Variants in TMEM163 observed in about 807,000 individuals in gnomAD.
TMEM163 encodes the protein transmembrane protein 163.
Under a neutral mutation model 29.3 loss-of-function variants are expected in TMEM163, and 17 were observed. The ratio of observed to expected loss-of-function variants is 0.58; its 90% confidence interval spans 0.40 to 0.87. TMEM163 has a LOEUF of 0.87. TMEM163 is among the 40% of genes least tolerant of loss of function. The pLI is 0.00. For synonymous variants in TMEM163, 157 were observed against 160.6 expected (o/e 0.98, Z 0.17); for missense variants, 303 against 381.5 (o/e 0.79, Z 1.71).
chr2:134,615,162 A>G (rs1362488812), intron 2 of TMEM163, among the ~76,000 whole-genome samples: 1 of 152,194 alleles, frequency 6.6e-6, no homozygotes, highest in African/African-American at 2.4e-5. Context: ...TTGCACCAAA[A>G]TGTACTAACT....
At chr2:134,676,211 C>G (rs761007226) in intron 2 of TMEM163, among the ~76,000 whole-genome samples, 2 of 152,288 alleles carry the variant, frequency 1.3e-5, no homozygotes, top group East Asian at 3.9e-4. Flanking sequence ...ACCAACTTGA[C>G]GTCAATTAGC....
At chr2:134,596,667 G>T (rs1682091142) in intron 2 of TMEM163, among the ~76,000 whole-genome samples, 1 of 152,178 alleles carries the variant, frequency 6.6e-6, no homozygotes, top group Non-Finnish European at 1.5e-5. Context: ...TTGGTAGCTT[G>T]ATGGGGATGG....
chr2:134,710,519 G>A (rs916704779), intron 2 of TMEM163, among the ~76,000 whole-genome samples: 2 of 151,950 alleles, frequency 1.3e-5, no homozygotes, highest in African/African-American at 4.8e-5. Flanking sequence ...AATGGCCATA[G>A]GATGACCCAA....
intron 2 of TMEM163, among the ~76,000 whole-genome samples, chr2:134,669,749 G>A (rs563403125): frequency 3.3e-5 from 5 of 152,330 alleles, no homozygotes; most frequent in African/African-American, 1.2e-4. Flanking sequence ...CACCTGGTTG[G>A]CTCTTGGGAC....
intron 4 of TMEM163, among the ~76,000 whole-genome samples, chr2:134,523,356 A>G (rs148011514): frequency 6.6e-6 from 1 of 152,220 alleles, no homozygotes; most frequent in Non-Finnish European, 1.5e-5. Flanking sequence ...AAAAGGTCAC[A>G]TGCCAAAAAC....
intron 5 of TMEM163, among the ~76,000 whole-genome samples, chr2:134,498,207 C>T (rs979472867): frequency 6.6e-6 from 1 of 152,312 alleles, no homozygotes; most frequent in African/African-American, 2.4e-5. Flanking sequence ...ACACCTTGGA[C>T]AGATGCGGCC....
At chr2:134,488,074 A>G (rs969223867) in intron 5 of TMEM163, among the ~76,000 whole-genome samples, 2 of 152,234 alleles carry the variant, frequency 1.3e-5, no homozygotes, top group African/African-American at 4.8e-5. Flanking sequence ...TCTAATAGCA[A>G]CAGATAGACA....
intron 2 of TMEM163, among the ~76,000 whole-genome samples, chr2:134,600,159 A>C (rs1189899236): frequency 6.6e-6 from 1 of 152,240 alleles, no homozygotes; most frequent in Non-Finnish European, 1.5e-5. Flanking sequence ...ATGAATGAAA[A>C]TAACATACAA....
At chr2:134,654,170 G>A (rs1279182490) in intron 2 of TMEM163, among the ~76,000 whole-genome samples, 2 of 124,668 alleles carry the variant, frequency 1.6e-5, no homozygotes, top group African/African-American at 3.8e-5. Flanking sequence ...CATTATTAAT[G>A]TGTGGGAGTC....
chr2:134,484,501 T>C (rs1679269696), intron 5 of TMEM163, among the ~76,000 whole-genome samples: 1 of 151,770 alleles, frequency 6.6e-6, no homozygotes, highest in African/African-American at 2.4e-5. Flanking sequence ...CAAGACCCCA[T>C]CTCTAGGAAA....
intron 2 of TMEM163, among the ~76,000 whole-genome samples, chr2:134,699,332 T>C (rs2104890024): frequency 6.6e-6 from 1 of 152,202 alleles, no homozygotes; most frequent in Non-Finnish European, 1.5e-5. Flanking sequence ...GGTGAAACAC[T>C]GTCTCTACTA....
Position 134,570,469 on chromosome 2 carries a change from T to TATACATATAC in TMEM163, c.323-18379_323-18378insGTATATGTAT, listed in dbSNP as rs72394533. 2.9e-3 allele frequency among the ~76,000 whole-genome samples: 426 copies of TATACATATAC among 145,184 alleles called. 3 individuals carry two copies. The highest frequency in any genetic ancestry group is 7.5e-3 in the African/African-American group (291 of 38,840). Reference sequence around the variant, plus strand: ...AGATAAGGGGGTACTACTACATATATATATACATATACATATACATATACA... The same window carrying TATACATATAC: ...AGATAAGGGGGTACTACTACATATATATACATATACATATACATATACATATACATATACA... On this transcript the variant is annotated intron_variant, in intron 2 of 7. Coordinates refer to ENST00000281924, the MANE Select transcript of TMEM163 (RefSeq NM_030923.5).
At chr2:134,674,513 CCATATCT>C (rs1684069498) in intron 2 of TMEM163, among the ~76,000 whole-genome samples, 3 of 30,816 alleles carry the variant, frequency 9.7e-5, no homozygotes, top group Non-Finnish European at 2.3e-4. Flanking sequence ...GCGCGCGCTA[CCATATCT>C]GGCTAATTTT....
intron 3 of TMEM163, 73 bp from the exon 4 acceptor site, chr2:134,550,734 T>C: frequency 1.4e-6 from 2 of 1,425,764 alleles, no homozygotes; most frequent in Non-Finnish European, 2.0e-6. Flanking sequence ...ACAGGACAAC[T>C]GTGCTGTGAC....
intron 2 of TMEM163, among the ~76,000 whole-genome samples, chr2:134,617,381 C>T (rs905951520): frequency 1.3e-5 from 2 of 151,952 alleles, no homozygotes; most frequent in Admixed American, 6.6e-5. Context: ...GAGGCCGAGG[C>T]GGGCAGATTA....
rs144804112 is a variant in TMEM163 at position 134,570,810 on chromosome 2, A to G, written c.323-18719T>C. The stretch of plus-strand genomic sequence containing the variant: ...GACCCTTTGGGGTCAATTCAAGGCC[A>G]CTTGTGTAGAGAACCAGCCCAAGAA... On this transcript the variant is annotated intron_variant, in intron 2 of 7. Transcript: ENST00000281924. Among the ~76,000 whole-genome samples, 536 of 152,280 alleles carry G rather than the reference A, an allele frequency of 3.5e-3. 4 individuals are homozygous for G. The highest frequency in any genetic ancestry group is 0.012 in the African/African-American group (510 of 41,550).
intron 2 of TMEM163, among the ~76,000 whole-genome samples, chr2:134,556,625 G>C (rs992982739): frequency 9.9e-5 from 15 of 152,114 alleles, no homozygotes; most frequent in Admixed American, 5.9e-4. Context: ...TTTGAGACCA[G>C]ACTGGGCAAT....
chr2:134,660,380 C>T (rs1288119127), intron 2 of TMEM163, among the ~76,000 whole-genome samples: 1 of 152,110 alleles, frequency 6.6e-6, no homozygotes, highest in South Asian at 2.1e-4. Flanking sequence ...AGGCCCAAAG[C>T]AGCAGAGAGG....
At chr2:134,536,465 C>T (rs1350622366) in intron 4 of TMEM163, among the ~76,000 whole-genome samples, 2 of 152,108 alleles carry the variant, frequency 1.3e-5, no homozygotes, top group Non-Finnish European at 2.9e-5. Flanking sequence ...CTGAGCAGGA[C>T]GTGTGCTGCT....
Sources: allele counts gnomAD v4.1 joint callset (sites outside exome capture counted in the v4.1 genomes callset), GRCh38; gene constraint gnomAD v4.1.1; transcripts MANE v1.5; gene names NCBI Gene and HGNC (gene_info 2026-07-23, HGNC 2026-07-21).